DOK6: variants seen among roughly 807,000 people sequenced by gnomAD.
DOK6 encodes downstream of tyrosine kinase 6.
In DOK6, 22 loss-of-function variants were observed where a neutral mutation model predicts 44.0. The observed-to-expected ratio is 0.50, with a 90% confidence interval of 0.36 to 0.71. The LOEUF is 0.71. DOK6 is among the 30% of genes least tolerant of loss of function. DOK6 has a pLI of 0.00. For synonymous variants in DOK6, 166 were observed against 145.5 expected (o/e 1.14, Z -1.01); for missense variants, 340 against 416.4 (o/e 0.82, Z 1.60).
chr18:69,686,166 G>A (rs570424027), intron 4 of DOK6, among the ~76,000 whole-genome samples: 1 of 152,190 alleles, frequency 6.6e-6, no homozygotes, highest in Non-Finnish European at 1.5e-5. Flanking sequence ...GCTGAAGAGA[G>A]AGGCCTCAGA....
At chr18:69,820,651 C>G (rs1981542515) in intron 7 of DOK6, among the ~76,000 whole-genome samples, 1 of 152,120 alleles carries the variant, frequency 6.6e-6, no homozygotes, top group African/African-American at 2.4e-5. Flanking sequence ...AAAGCTAATT[C>G]ACTCAACAGT....
chr18:69,528,182 C>T (rs1981889366), intron 1 of DOK6, among the ~76,000 whole-genome samples: 1 of 144,100 alleles, frequency 6.9e-6, no homozygotes, highest in Admixed American at 7.0e-5. Flanking sequence ...AAAAAAAAAG[C>T]TTCACCTTAC....
chr18:69,673,246 G>T (rs1599256083), intron 3 of DOK6, among the ~76,000 whole-genome samples: 1 of 123,020 alleles, frequency 8.1e-6, no homozygotes, highest in South Asian at 2.7e-4. Context: ...ATATATATAT[G>T]ATGAAAACTT....
chr18:69,751,493 A>G (rs1306582685), intron 6 of DOK6, among the ~76,000 whole-genome samples: 1 of 152,174 alleles, frequency 6.6e-6, no homozygotes, highest in Non-Finnish European at 1.5e-5. Context: ...AAATTGAACA[A>G]ATATATATAG....
intron 1 of DOK6, among the ~76,000 whole-genome samples, chr18:69,438,297 C>G (rs1173944947): frequency 2.0e-5 from 3 of 152,212 alleles, no homozygotes; most frequent in Admixed American, 2.0e-4. Context: ...ATGTTCACAG[C>G]ATCTTCATCA....
intron 1 of DOK6, among the ~76,000 whole-genome samples, chr18:69,469,126 CAT>C (rs1037116462): frequency 2.6e-5 from 4 of 152,128 alleles, no homozygotes; most frequent in African/African-American, 9.7e-5. Context: ...TTCAAAGTAA[CAT>C]AAAGAGGAAG....
intron 1 of DOK6, among the ~76,000 whole-genome samples, chr18:69,404,895 G>A (rs558794465): frequency 9.9e-5 from 15 of 152,076 alleles, no homozygotes; most frequent in Admixed American, 7.2e-4. Flanking sequence ...GTTTGTGTGT[G>A]TATTACAGAG....
At chr18:69,738,939 C>T (rs776464180) in intron 5 of DOK6, 26 bp from the exon 6 acceptor site, 2 of 1,612,584 alleles carry the variant, frequency 1.2e-6, no homozygotes, top group South Asian at 2.2e-5. Context: ...GGAGACCCAT[C>T]TCTTTCCCTA....
chr18:69,794,688 C>T (rs1980694103), intron 7 of DOK6, among the ~76,000 whole-genome samples: 1 of 152,120 alleles, frequency 6.6e-6, no homozygotes, highest in Non-Finnish European at 1.5e-5. Context: ...AACCAGGCCA[C>T]AGAGCAGGTG....
chr18:69,701,139 T>G (rs914806289), intron 5 of DOK6, among the ~76,000 whole-genome samples: 3 of 152,256 alleles, frequency 2.0e-5, no homozygotes, highest in African/African-American at 7.2e-5. Context: ...ATACATCGTT[T>G]ATTCTGGAGA....
At chr18:69,739,389 T>G (rs774865909) in intron 6 of DOK6, among the ~76,000 whole-genome samples, 19 of 152,256 alleles carry the variant, frequency 1.2e-4, no homozygotes, top group Non-Finnish European at 2.8e-4. Context: ...GAAGCAATGC[T>G]GTCTGCATGT....
intron 1 of DOK6, among the ~76,000 whole-genome samples, chr18:69,454,698 G>T (rs2122464530): frequency 3.2e-5 from 4 of 126,928 alleles, no homozygotes; most frequent in Admixed American, 8.2e-5. Context: ...AGAAAATGTG[G>T]CACATATACA....
chr18:69,638,151 C>T (rs1984853057), intron 3 of DOK6, among the ~76,000 whole-genome samples: 1 of 152,198 alleles, frequency 6.6e-6, no homozygotes, highest in Non-Finnish European at 1.5e-5. Flanking sequence ...GTCATAAAGT[C>T]TCTGTTGAAA....
intron 1 of DOK6, among the ~76,000 whole-genome samples, chr18:69,529,906 C>T (rs1209467758): frequency 6.6e-6 from 1 of 152,070 alleles, no homozygotes; most frequent in Non-Finnish European, 1.5e-5. Context: ...TATATTATCT[C>T]ATATTTGTAG....
At chr18:69,707,600 G>A (rs564159566) in intron 5 of DOK6, among the ~76,000 whole-genome samples, 1 of 152,264 alleles carries the variant, frequency 6.6e-6, no homozygotes, top group South Asian at 2.1e-4. Context: ...AGTCTCCGTG[G>A]TTTATGCAAC....
At chr18:69,428,936 C>A (rs929112094) in intron 1 of DOK6, among the ~76,000 whole-genome samples, 58 of 152,150 alleles carry the variant, frequency 3.8e-4, no homozygotes, top group African/African-American at 1.2e-3. Context: ...CTACGTGATA[C>A]GTGGAAAAGA....
chr18:69,544,175 T>C (rs910275971), intron 1 of DOK6, among the ~76,000 whole-genome samples: 1 of 151,134 alleles, frequency 6.6e-6, no homozygotes, highest in African/African-American at 2.4e-5. Flanking sequence ...GGAGAATCAC[T>C]TGAACCCTGG....
intron 1 of DOK6, among the ~76,000 whole-genome samples, chr18:69,447,206 T>C (rs1235557444): frequency 6.6e-6 from 1 of 152,242 alleles, no homozygotes; most frequent in Non-Finnish European, 1.5e-5. Flanking sequence ...TTTAAGTCTT[T>C]AATCCATCTT....
At chr18:69,677,599 TAC>T in intron 3 of DOK6, 133 bp from the exon 4 acceptor site, 9 of 1,437,330 alleles carry the variant, frequency 6.3e-6, no homozygotes, top group Non-Finnish European at 8.5e-6. Context: ...ACTTCCTAAA[TAC>T]AGTTTTTTGT....
Sources: allele counts gnomAD v4.1 joint callset (sites outside exome capture counted in the v4.1 genomes callset), GRCh38; gene constraint gnomAD v4.1.1; transcripts MANE v1.5; gene names NCBI Gene and HGNC (gene_info 2026-07-23, HGNC 2026-07-21).